Variants in RNF17 observed in about 807,000 individuals in gnomAD.
RNF17 encodes ring finger protein 17.
A neutral mutation model predicts 200.5 loss-of-function variants in RNF17; 31 were observed. The ratio of observed to expected loss-of-function variants is 0.15; its 90% confidence interval spans 0.12 to 0.21. RNF17 has a LOEUF of 0.21. Ranked by LOEUF, RNF17 falls within the 10% of genes least tolerant of loss-of-function variation. The pLI, the probability that RNF17 is intolerant of heterozygous loss-of-function variation, is 1.00. For synonymous variants in RNF17, 606 were observed against 637.8 expected (o/e 0.95, Z 0.75); for missense variants, 1,628 against 1,905.1 (o/e 0.85, Z 2.71).
chr13:24,876,737 T>C lies in RNF17; in HGVS notation c.4584-260T>C, dbSNP rs544527558. Reference sequence around the variant, plus strand: ...GTAGATCTTTAGAGTAATGTCCGTGTTTATGTGTATTTTCTCCCATTCTGT... The same window carrying C: ...GTAGATCTTTAGAGTAATGTCCGTGCTTATGTGTATTTTCTCCCATTCTGT... On this transcript the variant is annotated intron_variant, in intron 33 of 35. Coordinates refer to ENST00000255324, the MANE Select transcript of RNF17 (RefSeq NM_031277.3). Among the ~76,000 whole-genome samples, 63 of 152,326 alleles carry C rather than the reference T, an allele frequency of 4.1e-4. 1 individual carries two copies. The highest frequency in any genetic ancestry group is 1.4e-3 in the African/African-American group (59 of 41,580).
chr13:24,831,522 C>T (rs1039496266), intron 17 of RNF17, among the ~76,000 whole-genome samples: 2 of 152,166 alleles, frequency 1.3e-5, no homozygotes, highest in African/African-American at 2.4e-5. Flanking sequence ...CTTCCAGATA[C>T]ATCTTCTGTG....
intron 16 of RNF17, among the ~76,000 whole-genome samples, chr13:24,827,237 T>G (rs1356110319): frequency 6.6e-6 from 1 of 152,096 alleles, no homozygotes; most frequent in African/African-American, 2.4e-5. Flanking sequence ...CGGGCAATTT[T>G]TTTTACTTTA....
upstream of RNF17, among the ~76,000 whole-genome samples, chr13:24,763,267 A>G (rs1318461899): frequency 1.4e-5 from 2 of 143,968 alleles, no homozygotes; most frequent in African/African-American, 5.2e-5. Flanking sequence ...CAGTGGTATG[A>G]TCTCGGCTCA....
At position 24,842,161 on chromosome 13, in the gene RNF17, G is replaced by A. The variant is rs1890707668; in HGVS notation, c.2603G>A (p.Gly868Glu). ...VKEGLASYEI[G>E]YILKDNSQKH... is the part of the protein sequence containing the mutation. The stretch of plus-strand genomic sequence containing the variant: ...GAGGGCCTAGCATCTTATGAAATAG[G>A]GTAAGTAGATATGTAAACTTTCATT... The change falls in exon 19 of 36, where the codon GGA becomes GAA. Residue 868 changes from glycine to glutamate, a missense_variant and splice_region_variant. Physicochemically the swap from Gly to Glu is moderately conservative, Grantham distance 98. Coordinates refer to ENST00000255324, the MANE Select transcript of RNF17 (RefSeq NM_031277.3). 1 of 1,587,164 alleles carries A rather than the reference G, an allele frequency of 6.3e-7. No individual in the cohort carries two copies. The highest frequency in any genetic ancestry group is 8.5e-7 in the Non-Finnish European group (1 of 1,169,666).
the RNF17 span, among the ~76,000 whole-genome samples, chr13:24,758,872 C>T: frequency 2.0e-5 from 3 of 151,754 alleles, no homozygotes; most frequent in African/African-American, 7.3e-5. Context: ...GTCAGGAGAT[C>T]CAAGACCATC....
intron 12 of RNF17, 41 bp downstream of exon 12, chr13:24,799,625 A>C: frequency 7.6e-7 from 1 of 1,315,104 alleles, no homozygotes; most frequent in South Asian, 1.3e-5. Flanking sequence ...CTGCTTAGAA[A>C]CATTTTGGAG....
At chr13:24,876,011 A>G (rs1894818476) in intron 33 of RNF17, among the ~76,000 whole-genome samples, 1 of 152,166 alleles carries the variant, frequency 6.6e-6, no homozygotes, top group African/African-American at 2.4e-5. Context: ...TTAGGCATCC[A>G]CTTTACAGTT....
chr13:24,762,627 C>A (rs994402804), upstream of RNF17, among the ~76,000 whole-genome samples: 8 of 151,988 alleles, frequency 5.3e-5, no homozygotes, highest in African/African-American at 1.9e-4. Context: ...ATTTTTGAGC[C>A]GAAGTGAGCC....
chr13:24,871,028 G>A (rs1458283045), intron 32 of RNF17, among the ~76,000 whole-genome samples: 1 of 152,156 alleles, frequency 6.6e-6, no homozygotes, highest in Non-Finnish European at 1.5e-5. Flanking sequence ...TAAGTTTGAG[G>A]TTATCAGTAG....
chr13:24,846,949 T>C (rs1460226180), intron 22 of RNF17, among the ~76,000 whole-genome samples: 1 of 152,210 alleles, frequency 6.6e-6, no homozygotes, highest in South Asian at 2.1e-4. Flanking sequence ...ATTAGAAATA[T>C]GTTTACCAAT....
In RNF17 at chr13:24,789,458, G is replaced by A. The variant is rs940099893; in HGVS notation, c.860+34G>A. 4 of 1,371,000 alleles carry A rather than the reference G, an allele frequency of 2.9e-6. No individual in the cohort carries two copies. The Admixed American group carries it at 7.3e-5, about 25-fold the overall frequency. The allele number at this position is 1,371,000 out of a possible 1,614,324, so 84.9% of individuals were successfully genotyped here. A position where few individuals can be genotyped will look rare whatever the true frequency, so the allele number is the denominator to read the frequency against. On this transcript the variant is annotated intron_variant, in intron 8 of 35. Coordinates refer to ENST00000255324, the MANE Select transcript of RNF17 (RefSeq NM_031277.3). ...GTCATAGTTCAGGAGACCATAACAA[G>A]TATAAAGATGTGCTGGAACTTAAAT... is the stretch of plus-strand genomic sequence containing the variant.
intron 5 of RNF17, 115 bp downstream of exon 5, chr13:24,779,862 GAT>G: frequency 1.5e-6 from 1 of 682,086 alleles, no homozygotes; most frequent in East Asian, 2.9e-5. Context: ...TATTAAGCAT[GAT>G]AATCTAAAAA....
intron 15 of RNF17, among the ~76,000 whole-genome samples, chr13:24,825,012 A>G (rs1384399632): frequency 1.3e-5 from 2 of 152,084 alleles, no homozygotes; most frequent in African/African-American, 4.8e-5. Context: ...GATAGACCTT[A>G]CTCTATGGAA....
At chr13:24,883,888 G>A, downstream of RNF17, 1 of 1,579,894 alleles carries the variant, frequency 6.3e-7, no homozygotes, top group South Asian at 1.1e-5. Flanking sequence ...GAAACGCAAG[G>A]CTGGGGCACC....
rs771319471 is a variant in RNF17 at position 24,843,988 on chromosome 13, T to A, written c.2831+17T>A. On this transcript the variant is annotated intron_variant, in intron 20 of 35. Transcript: ENST00000255324. The stretch of plus-strand genomic sequence containing the variant: ...ACTTAATAGGTATAATATATATATA[T>A]AATATATAAGGAAAATATTGCATAT... 2.2e-5 allele frequency: 15 copies of A among 690,662 alleles called. No homozygotes were observed. The highest frequency in any genetic ancestry group is 3.0e-5 in the Non-Finnish European group (14 of 467,864). 42.8% of individuals were successfully genotyped at this position (690,662 alleles called of 1,614,324 possible). A position where few individuals can be genotyped will look rare whatever the true frequency, so the allele number is the denominator to read the frequency against.
intron 15 of RNF17, among the ~76,000 whole-genome samples, chr13:24,821,219 A>G (rs1888011580): frequency 1.3e-5 from 2 of 152,116 alleles, no homozygotes; most frequent in African/African-American, 2.4e-5. Context: ...TTATAAAGAC[A>G]TTGATCATAC....
intron 6 of RNF17, among the ~76,000 whole-genome samples, chr13:24,786,456 G>A (rs1883121781): frequency 6.6e-6 from 1 of 152,036 alleles, no homozygotes; most frequent in South Asian, 2.1e-4. Flanking sequence ...ACTAATATTG[G>A]TTTTTATGTT....
At chr13:24,884,484 T>G (rs201319843), downstream of RNF17, 1,045 of 1,613,360 alleles carry the variant, frequency 6.5e-4, 1 homozygote, top group Non-Finnish European at 6.3e-4. Flanking sequence ...AACACAAGAT[T>G]ATCACCTAAG....
rs1203761302 is a variant in RNF17 at position 24,809,878 on chromosome 13, C to G, written c.2091+5449C>G. 9.6e-3 allele frequency among the ~76,000 whole-genome samples: 1,452 copies of G among 151,990 alleles called. 34 individuals are homozygous for G. Among genetic ancestry groups the G allele is most frequent in the African/African-American group, 0.032 (1,345 of 41,390 alleles). ...TTGGTTTCAAAGAACATATTTATTT[C>G]TGCCTTCATTTCGTTATGTACCCAG... is the stretch of plus-strand genomic sequence containing the variant. On this transcript the variant is annotated intron_variant, in intron 15 of 35. Transcript: ENST00000255324.
Sources: allele counts gnomAD v4.1 joint callset (sites outside exome capture counted in the v4.1 genomes callset), GRCh38; gene constraint gnomAD v4.1.1; transcripts MANE v1.5; gene names NCBI Gene and HGNC (gene_info 2026-07-23, HGNC 2026-07-21).